CCSER2: variants seen among roughly 807,000 people sequenced by gnomAD.
The protein encoded by CCSER2 is serine-rich coiled-coil domain-containing protein 2.
CCSER2 carries 46 observed loss-of-function variants against 92.3 expected under a neutral mutation model. That is an observed-to-expected ratio of 0.50 (90% CI 0.39 to 0.64). The LOEUF (loss-of-function observed/expected upper bound fraction) is 0.64, where lower values mean the gene tolerates loss of function less well. Ranked by LOEUF, CCSER2 falls within the 30% of genes least tolerant of loss-of-function variation. The pLI is 0.00. For synonymous variants in CCSER2, 433 were observed against 431.4 expected (o/e 1.00, Z -0.04); for missense variants, 1,244 against 1,238.9 (o/e 1.00, Z -0.06).
At chr10:84,374,000 G>T in intron 3 of CCSER2, 185 bp downstream of exon 3, 1 of 1,275,550 alleles carries the variant, frequency 7.8e-7, no homozygotes, top group Non-Finnish European at 1.1e-6. Flanking sequence ...GAGAATATAT[G>T]ACATTTGACT....
rs1844460467 is a variant in CCSER2, at chr10:84,346,129, A to G, written c.-40+17321A>G. Among the ~76,000 whole-genome samples the G allele has an allele frequency of 7.2e-5, 11 of 152,322 alleles. No homozygotes were observed. The South Asian group carries it at 2.1e-3, about 29-fold the overall frequency. On this transcript the variant is annotated intron_variant, in intron 1 of 9. Coordinates refer to ENST00000372088, the MANE Select transcript of CCSER2 (RefSeq NM_001284240.2). The stretch of plus-strand genomic sequence containing the variant: ...GCCCAGGCTAGAGTGCAGTGGCGCA[A>G]TCTCGGCTCACCGCAACCTCTGCCT...
intron 1 of CCSER2, among the ~76,000 whole-genome samples, chr10:84,363,074 T>C (rs1372362224): frequency 1.3e-5 from 2 of 151,286 alleles, no homozygotes; most frequent in East Asian, 3.9e-4. Flanking sequence ...CTCAAACTCC[T>C]GACCTCAGGT....
chr10:84,450,556 A>G (rs1282815764), intron 6 of CCSER2, among the ~76,000 whole-genome samples: 1 of 152,210 alleles, frequency 6.6e-6, no homozygotes, highest in Non-Finnish European at 1.5e-5. Flanking sequence ...AAACAATACT[A>G]TGCTCAAGAC....
chr10:84,455,812 A>T (rs955488527), intron 6 of CCSER2: 7 of 989,774 alleles, frequency 7.1e-6, no homozygotes, highest in East Asian at 4.9e-5. Flanking sequence ...TATCTGACTG[A>T]TCCCATCCAT....
chr10:84,354,684 G>T (rs1845063387), intron 1 of CCSER2, among the ~76,000 whole-genome samples: 1 of 151,386 alleles, frequency 6.6e-6, no homozygotes, highest in Admixed American at 6.6e-5. Context: ...TTCCTGTACT[G>T]ATAATTCCCA....
At chr10:84,455,783 A>G in intron 6 of CCSER2, 1 of 1,116,810 alleles carries the variant, frequency 9.0e-7, no homozygotes, top group Non-Finnish European at 1.4e-6. Flanking sequence ...AGTTAAGGTA[A>G]TGTAGATTTT....
chr10:84,462,160 A>G (rs1846137409), intron 6 of CCSER2, among the ~76,000 whole-genome samples: 2 of 152,202 alleles, frequency 1.3e-5, no homozygotes, highest in African/African-American at 4.8e-5. Context: ...CTGCTCAGGG[A>G]TGAACCGATG....
intron 3 of CCSER2, among the ~76,000 whole-genome samples, chr10:84,398,549 G>A (rs1589548711): frequency 1.3e-5 from 2 of 152,238 alleles, no homozygotes; most frequent in Admixed American, 1.3e-4. Flanking sequence ...TTTGAAAGGA[G>A]CTACATGCTT....
chr10:84,337,340 G>T (rs1399874792), intron 1 of CCSER2, among the ~76,000 whole-genome samples: 2 of 152,224 alleles, frequency 1.3e-5, no homozygotes, highest in East Asian at 3.9e-4. Context: ...AGACTGAGTT[G>T]TATCAGTGAA....
intron 3 of CCSER2, among the ~76,000 whole-genome samples, chr10:84,396,836 C>T (rs147135317): frequency 8.0e-4 from 121 of 152,148 alleles, no homozygotes; most frequent in African/African-American, 2.8e-3. Context: ...CACACCTGGC[C>T]GAGATCATCC....
At chr10:84,468,587 T>G (rs1284741591) in intron 7 of CCSER2, among the ~76,000 whole-genome samples, 2 of 152,212 alleles carry the variant, frequency 1.3e-5, no homozygotes, top group African/African-American at 4.8e-5. Context: ...AGCACATTAT[T>G]TGTTGATTTC....
At chr10:84,423,779 A>C (rs1455990136) in intron 4 of CCSER2, among the ~76,000 whole-genome samples, 2 of 152,170 alleles carry the variant, frequency 1.3e-5, no homozygotes, top group Non-Finnish European at 2.9e-5. Flanking sequence ...ACTGGGTCTT[A>C]ACTGAATCTA....
intron 6 of CCSER2, among the ~76,000 whole-genome samples, chr10:84,460,719 G>C (rs1436893499): frequency 6.6e-6 from 1 of 151,854 alleles, no homozygotes; most frequent in Admixed American, 6.6e-5. Context: ...TTGCTTTTGA[G>C]GAATTTTGCC....
chr10:84,459,995 C>T (rs1427301885), intron 6 of CCSER2, among the ~76,000 whole-genome samples: 1 of 151,634 alleles, frequency 6.6e-6, no homozygotes, highest in Non-Finnish European at 1.5e-5. Flanking sequence ...ACATTGCTTT[C>T]TGACTATTGA....
In CCSER2 at chr10:84,476,438, T is replaced by C. The variant is rs1382807767; in HGVS notation, c.2236-1137T>C. Among the ~76,000 whole-genome samples, 14 of 84,944 alleles carry C rather than the reference T, an allele frequency of 1.6e-4. No individual in the cohort carries two copies. In the South Asian group the frequency reaches 2.2e-3, roughly 13 times the overall value. The allele number at this position is 84,944 out of a possible 152,430, so 55.7% of individuals were successfully genotyped here. A position where few individuals can be genotyped will look rare whatever the true frequency, so the allele number is the denominator to read the frequency against. Reference sequence around the variant, plus strand: ...TCACTAAGGGTGAATTCTCTCTCTTTTTTTTTTTTTTTTTTTTTTTTTTTG... The same window carrying C: ...TCACTAAGGGTGAATTCTCTCTCTTCTTTTTTTTTTTTTTTTTTTTTTTTG... On this transcript the variant is annotated intron_variant, in intron 8 of 9. Coordinates refer to ENST00000372088, the MANE Select transcript of CCSER2 (RefSeq NM_001284240.2).
intron 1 of CCSER2, among the ~76,000 whole-genome samples, chr10:84,366,718 C>T (rs1269514453): frequency 6.6e-6 from 1 of 152,138 alleles, no homozygotes; most frequent in Non-Finnish European, 1.5e-5. Context: ...AAGGTAGAAT[C>T]AAATAGAGTA....
chr10:84,513,856 G>GGGTT lies in CCSER2; in HGVS notation c.2734_2737dup (p.Tyr913TrpfsTer27), dbSNP rs1257459655. 2.0e-6 allele frequency: 3 copies of GGGTT among 1,536,180 alleles called. No individual in the cohort carries two copies. In the African/African-American group the frequency reaches 4.1e-5, roughly 21 times the overall value. ...TTGGAAGAAATCAGTCTCCGCCAGT[G>GGGTT]GGTTATATGTCTCAGCCCAAGTCCT... is the stretch of plus-strand genomic sequence containing the variant. On this transcript the variant is annotated frameshift_variant, in exon 10 of 10. Transcript: ENST00000372088. LOFTEE classifies it high-confidence loss of function.
intron 6 of CCSER2, among the ~76,000 whole-genome samples, chr10:84,440,243 A>G (rs1194170657): frequency 6.6e-6 from 1 of 152,220 alleles, no homozygotes; most frequent in Non-Finnish European, 1.5e-5. Flanking sequence ...CTGAACTCTT[A>G]GGTACTACAC....
chr10:84,411,167 C>G (rs750331575), intron 3 of CCSER2, among the ~76,000 whole-genome samples: 2 of 152,060 alleles, frequency 1.3e-5, no homozygotes, highest in Non-Finnish European at 2.9e-5. Context: ...GTTACTGTAG[C>G]CTTGTCTGTA....
Sources: gnomAD v4.1 joint callset for allele counts (sites outside exome capture counted in the v4.1 genomes callset) on GRCh38, gnomAD v4.1.1 for gene constraint, MANE v1.5 for transcripts, NCBI Gene and HGNC (gene_info 2026-07-23, HGNC 2026-07-21) for gene names.